CDH6: variants seen among roughly 807,000 people sequenced by gnomAD.
CDH6 encodes the protein cadherin-6.
CDH6 carries 31 observed loss-of-function variants against 78.0 expected under a neutral mutation model. The observed-to-expected ratio is 0.40, with a 90% confidence interval of 0.30 to 0.54. The LOEUF is 0.54. CDH6 is among the 20% of genes least tolerant of loss of function. The pLI, the probability that CDH6 is intolerant of heterozygous loss-of-function variation, is 0.56. For missense variants in CDH6, 724 were observed against 975.9 expected (o/e 0.74, Z 3.44); for synonymous variants, 376 against 368.8 (o/e 1.02, Z -0.23).
chr5:31,322,897 T>C lies in CDH6; in HGVS notation c.1962T>C (p.Asp654=). 1 of 1,614,164 alleles carries C rather than the reference T, an allele frequency of 6.2e-7. No individual in the cohort carries two copies. The highest frequency in any genetic ancestry group is 8.5e-7 in the Non-Finnish European group (1 of 1,180,014). The stretch of plus-strand genomic sequence containing the variant: ...TCATTTCCAAAGAGGACATCAGAGA[T>C]AACATTGTCAGTTACAACGACGAAG... ...PLIISKEDIR[D]NIVSYNDEGG... Residue 654 remains aspartate, a synonymous_variant, in exon 12 of 12, where the codon GAT becomes GAC. Coordinates refer to ENST00000265071, the MANE Select transcript of CDH6 (RefSeq NM_004932.4).
chr5:31,195,719 T>G (rs755374810), intron 1 of CDH6, among the ~76,000 whole-genome samples: 1 of 152,212 alleles, frequency 6.6e-6, no homozygotes, highest in African/African-American at 2.4e-5. Context: ...ACCCAACAAT[T>G]GACTGGAAAA....
At chr5:31,270,680 CT>C (rs1310646672) in intron 2 of CDH6, among the ~76,000 whole-genome samples, 2 of 151,944 alleles carry the variant, frequency 1.3e-5, no homozygotes, top group Non-Finnish European at 1.5e-5. Context: ...CTTTTCCTTC[CT>C]TTTTTTTATT....
At chr5:31,248,025 CTT>C (rs1442079336) in intron 1 of CDH6, among the ~76,000 whole-genome samples, 3 of 152,086 alleles carry the variant, frequency 2.0e-5, no homozygotes, top group African/African-American at 7.2e-5. Flanking sequence ...AAAAACCTGT[CTT>C]ATGTAAATGA....
chr5:31,233,802 A>G (rs1741381898), intron 1 of CDH6, among the ~76,000 whole-genome samples: 2 of 152,072 alleles, frequency 1.3e-5, no homozygotes, highest in Admixed American at 6.6e-5. Context: ...CTCACTCTCT[A>G]CTACTCAGCA....
chr5:31,291,913 C>G (rs1414874323), intron 2 of CDH6, among the ~76,000 whole-genome samples: 2 of 152,156 alleles, frequency 1.3e-5, no homozygotes, highest in Non-Finnish European at 2.9e-5. Flanking sequence ...TTATTTCTGC[C>G]AAATTGCTTT....
chr5:31,297,003 G>A (rs1737628118), intron 3 of CDH6, among the ~76,000 whole-genome samples: 1 of 152,128 alleles, frequency 6.6e-6, no homozygotes, highest in South Asian at 2.1e-4. Flanking sequence ...AATCACTAAA[G>A]CAAGAGTCCA....
intron 7 of CDH6, 38 bp from the exon 8 acceptor site, chr5:31,313,280 A>G (rs777748756): frequency 1.0e-5 from 16 of 1,566,674 alleles, no homozygotes; most frequent in East Asian, 6.8e-5. Flanking sequence ...TAGGAAATAG[A>G]AAGAAAAGCC....
At chr5:31,292,824 T>TATATATATATATATGTGTGC (rs1737426455) in intron 2 of CDH6, among the ~76,000 whole-genome samples, 2 of 25,282 alleles carry the variant, frequency 7.9e-5, no homozygotes, top group East Asian at 3.1e-3. Flanking sequence ...TATGTGTGCA[T>TATATATATATATATGTGTGC]ATATATATAT....
chr5:31,266,289 A>T (rs1260221010), intron 1 of CDH6, among the ~76,000 whole-genome samples: 1 of 152,176 alleles, frequency 6.6e-6, no homozygotes, highest in Non-Finnish European at 1.5e-5. Flanking sequence ...AATATTTCCC[A>T]TGGAAAAGTA....
rs1579921518 is a variant in CDH6 at position 31,326,503 on chromosome 5, T to C, written c.*3195T>C. On this transcript the variant is annotated 3_prime_UTR_variant, in exon 12 of 12. Transcript: ENST00000265071. ...AGGGAATGTGGGCACAGTAAATAGA[T>C]GTTTCTTTCAGAACTTTCCTGCCTT... The C allele has an allele frequency of 1.0e-5, 2 of 194,418 alleles. No homozygotes were observed. The highest frequency in any genetic ancestry group is 1.6e-4 in the East Asian group (2 of 12,378). 12.0% of individuals were successfully genotyped at this position (194,418 alleles called of 1,614,324 possible). A position where few individuals can be genotyped will look rare whatever the true frequency, so the allele number is the denominator to read the frequency against.
At chr5:31,311,413 T>C (rs945508591) in intron 7 of CDH6, among the ~76,000 whole-genome samples, 3 of 152,204 alleles carry the variant, frequency 2.0e-5, no homozygotes, top group Non-Finnish European at 2.9e-5. Context: ...AACAAGTCTC[T>C]AGGAAGTTCC....
intron 1 of CDH6, among the ~76,000 whole-genome samples, chr5:31,205,116 G>A (rs1330765002): frequency 1.3e-5 from 2 of 152,138 alleles, no homozygotes; most frequent in Non-Finnish European, 2.9e-5. Flanking sequence ...TAAGATGAGG[G>A]CATCCCTTGT....
intron 1 of CDH6, among the ~76,000 whole-genome samples, chr5:31,244,268 G>A (rs1741685480): frequency 6.6e-6 from 1 of 152,176 alleles, no homozygotes; most frequent in Admixed American, 6.5e-5. Context: ...AGAACTTACA[G>A]CTGGAATGAA....
intron 2 of CDH6, among the ~76,000 whole-genome samples, chr5:31,284,558 A>G (rs1427732464): frequency 6.6e-6 from 1 of 152,196 alleles, no homozygotes; most frequent in Non-Finnish European, 1.5e-5. Context: ...CAGAACAAGA[A>G]GGGGGTGGAT....
At chr5:31,215,413 C>G (rs978109749) in intron 1 of CDH6, among the ~76,000 whole-genome samples, 1 of 152,128 alleles carries the variant, frequency 6.6e-6, no homozygotes, top group Admixed American at 6.6e-5. Context: ...CAATTCAGTT[C>G]TACCATGTAA....
chr5:31,195,054 T>C (rs1376972115), intron 1 of CDH6, among the ~76,000 whole-genome samples: 1 of 151,440 alleles, frequency 6.6e-6, no homozygotes, highest in Non-Finnish European at 1.5e-5. Flanking sequence ...TCATCTGGAA[T>C]AGCCACACAT....
Position 31,208,907 on chromosome 5 carries a change from C to T in CDH6, c.-129+15021C>T, listed in dbSNP as rs190603371. ...TTCAACTGATTATGTAGTCCAATTT[C>T]ATTCCTCAAGTGGCCGTCAATGCAT... On this transcript the variant is annotated intron_variant, in intron 1 of 11. Coordinates refer to ENST00000265071, the MANE Select transcript of CDH6 (RefSeq NM_004932.4). 3.9e-4 allele frequency among the ~76,000 whole-genome samples: 60 copies of T among 152,300 alleles called. 1 individual carries two copies. Among genetic ancestry groups the T allele is most frequent in the African/African-American group, 1.4e-3 (59 of 41,580 alleles).
chr5:31,262,981 G>T (rs1742249330), intron 1 of CDH6, among the ~76,000 whole-genome samples: 1 of 152,184 alleles, frequency 6.6e-6, no homozygotes, highest in Non-Finnish European at 1.5e-5. Flanking sequence ...TTAGGGGCAT[G>T]CTTGCAGCAT....
intron 1 of CDH6, among the ~76,000 whole-genome samples, chr5:31,195,584 C>T (rs1478997375): frequency 3.3e-5 from 5 of 152,092 alleles, no homozygotes; most frequent in Non-Finnish European, 7.3e-5. Flanking sequence ...TTTAGAGAAC[C>T]GTAAAACCAG....
Sources: gnomAD v4.1 joint callset for allele counts (sites outside exome capture counted in the v4.1 genomes callset) on GRCh38, gnomAD v4.1.1 for gene constraint, MANE v1.5 for transcripts, NCBI Gene and HGNC (gene_info 2026-07-23, HGNC 2026-07-21) for gene names.